DHRS4: variants seen among roughly 807,000 people sequenced by gnomAD.
The protein encoded by DHRS4 is dehydrogenase/reductase 4.
A neutral mutation model predicts 28.4 loss-of-function variants in DHRS4; 20 were observed. The observed-to-expected ratio is 0.71, with a 90% CI of 0.50 to 1.02. DHRS4 has a LOEUF of 1.02. Among genes scored for constraint, DHRS4 ranks in the 50% least tolerant of loss-of-function variants. The pLI is 0.00. For synonymous variants in DHRS4, 144 were observed against 146.4 expected (o/e 0.98, Z 0.12); for missense variants, 378 against 367.2 (o/e 1.03, Z -0.24).
At chr14:23,960,794 T>C (rs2146573) in intron 3 of DHRS4, among the ~76,000 whole-genome samples, 29 of 152,210 alleles carry the variant, frequency 1.9e-4, no homozygotes, top group Admixed American at 5.2e-4. Flanking sequence ...TAAAGGAATA[T>C]CTGAGCTGGG....
chr14:23,959,438 G>C (rs1238355054), intron 2 of DHRS4, among the ~76,000 whole-genome samples: 24 of 152,038 alleles, frequency 1.6e-4, no homozygotes, highest in African/African-American at 3.4e-4. Context: ...CGCACTTGTA[G>C]TCCCAACTAC....
rs765198644 is a variant in DHRS4 at position 23,953,868 on chromosome 14, G to T, written c.80G>T (p.Arg27Leu). ...ATGGCCAGCTCCGGGATGACCCGCC[G>T]GGACCCGCTCGCAAATAAGGTGGCC... is the stretch of plus-strand genomic sequence containing the variant. Reference protein sequence around the residue: ...VRMASSGMTRRDPLANKVALV... With the variant: ...VRMASSGMTRLDPLANKVALV... Residue 27 changes from arginine to leucine, a missense_variant, in exon 1 of 8, where the codon CGG becomes CTG. Arg to Leu is a moderately radical substitution (Grantham distance 102, BLOSUM62 -2). Coordinates refer to ENST00000313250, the MANE Select transcript of DHRS4 (RefSeq NM_021004.4). 5 of 1,612,542 alleles carry T rather than the reference G, an allele frequency of 3.1e-6. No homozygotes were observed. Among genetic ancestry groups the T allele is most frequent in the East Asian group, 4.5e-5 (2 of 44,836 alleles).
At chr14:23,954,175 C>A in intron 1 of DHRS4, 1 of 502,658 alleles carries the variant, frequency 2.0e-6, no homozygotes, top group Non-Finnish European at 3.5e-6. Context: ...CTAGTCTCCC[C>A]AGTGTTCTGG....
rs1236608823 is a variant in DHRS4, at chr14:23,968,633, T to C, written c.723-124T>C. 2.0e-6 allele frequency: 3 copies of C among 1,519,998 alleles called. No homozygotes were observed. The African/African-American group carries it at 4.2e-5, about 21-fold the overall frequency. The allele number at this position is 1,519,998 out of a possible 1,614,324, so 94.2% of individuals were successfully genotyped here. Reference sequence around the variant, plus strand: ...CCCTATTTGATAGGCAGAAAGCTTGTACACTGACCCTGAAAAAGCCATCTG... The same window carrying C: ...CCCTATTTGATAGGCAGAAAGCTTGCACACTGACCCTGAAAAAGCCATCTG... On this transcript the variant is annotated intron_variant, in intron 7 of 7. Coordinates refer to ENST00000313250, the MANE Select transcript of DHRS4 (RefSeq NM_021004.4).
rs368789022 is a variant in DHRS4 at position 23,965,951 on chromosome 14, G to A, written c.499G>A (p.Val167Met). The A allele has an allele frequency of 5.6e-6, 9 of 1,609,666 alleles. No homozygotes were observed. Among genetic ancestry groups the A allele is most frequent in the East Asian group, 2.2e-5 (1 of 44,616 alleles). The part of the protein sequence containing the change: ...EKRGGGSVVI[V>M]SSIAAFSPSP... ...TTCCAGAGGCGGCTCAGTGGTGATC[G>A]TGTCTTCCATAGCAGCCTTCAGTCC... The change falls in exon 5 of 8, where the codon GTG (valine) becomes ATG (methionine). Residue 167 changes from valine (V) to methionine (M), a missense_variant. By Grantham distance (21) the Val-to-Met change is conservative. Transcript: ENST00000313250.
intron 3 of DHRS4, 48 bp downstream of exon 3, chr14:23,960,051 C>T: frequency 6.4e-7 from 1 of 1,550,574 alleles, no homozygotes; most frequent in Non-Finnish European, 8.9e-7. Flanking sequence ...CCTTGGAACA[C>T]ATTCAGCACA....
chr14:23,969,106 T>C lies in DHRS4; in HGVS notation c.*235T>C. 1.7e-6 allele frequency: 1 copy of C among 582,094 alleles called. No homozygotes were observed. Among genetic ancestry groups the C allele is most frequent in the Non-Finnish European group, 2.8e-6 (1 of 361,360 alleles). 36.1% of individuals were successfully genotyped at this position (582,094 alleles called of 1,614,324 possible). A position where few individuals can be genotyped will look rare whatever the true frequency, so the allele number is the denominator to read the frequency against. On this transcript the variant is annotated 3_prime_UTR_variant, in exon 8 of 8. Coordinates refer to ENST00000313250, the MANE Select transcript of DHRS4 (RefSeq NM_021004.4). ...CCCTGAGAACACAGGACAGGCCTGC[T>C]GACAAGGCTGAGTCTACCTTGGCAA...
chr14:23,955,574 G>C (rs1014083216), intron 2 of DHRS4, among the ~76,000 whole-genome samples: 1 of 152,084 alleles, frequency 6.6e-6, no homozygotes, highest in East Asian at 1.9e-4. Context: ...GGGAACCTCA[G>C]GAAGCAGCCC....
In DHRS4 at chr14:23,966,311, C is replaced by T. The variant is rs1349285832; in HGVS notation, c.560C>T (p.Thr187Ile). Reference sequence around the variant, plus strand: ...TTCAGTCCTTACAATGTCAGTAAAACAGCCTTGCTGGGCCTGACCAAGACC... The same window carrying T: ...TTCAGTCCTTACAATGTCAGTAAAATAGCCTTGCTGGGCCTGACCAAGACC... ...PGFSPYNVSK[T>I]ALLGLTKTLA... Residue 187 changes from threonine to isoleucine, a missense_variant, in exon 6 of 8, where the codon ACA (threonine) becomes ATA (isoleucine). Coordinates refer to ENST00000313250, the MANE Select transcript of DHRS4 (RefSeq NM_021004.4). The T allele has an allele frequency of 3.7e-6, 6 of 1,614,030 alleles. No homozygotes were observed. The highest frequency in any genetic ancestry group is 2.2e-5 in the South Asian group (2 of 91,062).
rs772504566 is a variant in DHRS4 at position 23,967,216 on chromosome 14, G to A, written c.672G>A (p.Trp224Ter). 2 of 1,612,788 alleles carry A rather than the reference G, an allele frequency of 1.2e-6. No individual in the cohort carries two copies. The highest frequency in any genetic ancestry group is 1.1e-5 in the South Asian group (1 of 90,870). ...LIKTSFSRML[W>*]MDKEKEESMK... Reference sequence around the variant, plus strand: ...GATTTCCCTTCTTCCTGCAGCTCTGGATGGACAAGGAAAAAGAGGAAAGCA... The same window carrying A: ...GATTTCCCTTCTTCCTGCAGCTCTGAATGGACAAGGAAAAAGAGGAAAGCA... Residue 224 changes from tryptophan (W) to a stop codon, truncating the protein, a stop_gained, in exon 7 of 8, where the codon TGG becomes TGA. Transcript: ENST00000313250. LOFTEE classifies it high-confidence loss of function.
chr14:23,966,217 G>A, intron 5 of DHRS4, 66 bp from the exon 6 acceptor site: 4 of 1,582,340 alleles, frequency 2.5e-6, no homozygotes, highest in Non-Finnish European at 3.4e-6. Context: ...TGCCCTCTAT[G>A]TCTAGTTATT....
intron 2 of DHRS4, among the ~76,000 whole-genome samples, chr14:23,956,555 G>A (rs200423369): frequency 1.2e-3 from 182 of 151,604 alleles, no homozygotes; most frequent in Non-Finnish European, 1.2e-3. Flanking sequence ...TACTGCTGGG[G>A]AAGGGGCTGC....
chr14:23,969,060 G>A lies in DHRS4; in HGVS notation c.*189G>A. 1 of 1,237,426 alleles carries A rather than the reference G, an allele frequency of 8.1e-7. No homozygotes were observed. Among genetic ancestry groups the A allele is most frequent in the Non-Finnish European group, 1.1e-6 (1 of 924,110 alleles). The allele number at this position is 1,237,426 out of a possible 1,614,324, so 76.7% of individuals were successfully genotyped here. ...CTTACTCGGGATTTCTGCTGTTGTT[G>A]TGGCCTTGGGTAAAGGCCTCCCCTG... is the stretch of plus-strand genomic sequence containing the variant. On this transcript the variant is annotated 3_prime_UTR_variant, in exon 8 of 8. Transcript: ENST00000313250.
At chr14:23,964,238 A>C (rs1373088655) in intron 3 of DHRS4, among the ~76,000 whole-genome samples, 2 of 142,886 alleles carry the variant, frequency 1.4e-5, no homozygotes, top group Non-Finnish European at 3.0e-5. Context: ...AAAAAAAAAA[A>C]AAAAAAAAAA....
chr14:23,968,704 G>A (rs1566480007), intron 7 of DHRS4, 53 bp from the exon 8 acceptor site: 1 of 1,596,332 alleles, frequency 6.3e-7, no homozygotes, highest in Non-Finnish European at 8.5e-7. Context: ...CCCAGGTGAG[G>A]GAGGCAGAAC....
intron 1 of DHRS4, chr14:23,954,174 C>G (rs541824758): frequency 1.6e-4 from 83 of 504,974 alleles, no homozygotes; most frequent in Admixed American, 9.3e-4. Flanking sequence ...TCTAGTCTCC[C>G]CAGTGTTCTG....
chr14:23,954,392 G>A (rs147169011), intron 1 of DHRS4, among the ~76,000 whole-genome samples: 1 of 152,104 alleles, frequency 6.6e-6, no homozygotes, highest in African/African-American at 2.4e-5. Context: ...TTTTTGTTTA[G>A]GTCGGTACAT....
At chr14:23,966,804 A>G (rs1262589658) in intron 6 of DHRS4, among the ~76,000 whole-genome samples, 1 of 152,284 alleles carries the variant, frequency 6.6e-6, no homozygotes, top group East Asian at 1.9e-4. Flanking sequence ...CCCTCCTCTC[A>G]GTTACCATGA....
In DHRS4 at chr14:23,966,345, A is replaced by T; in HGVS notation, c.594A>T (p.Ile198=). ...TGGGCCTGACCAAGACCCTGGCCAT[A>T]GAGCTGGCCCCAAGGAACATTAGGG... ...ALLGLTKTLA[I]ELAPRNIRVN... The change falls in exon 6 of 8, where the codon ATA becomes ATT. Residue 198 remains isoleucine, a synonymous_variant. Transcript: ENST00000313250. 1 of 1,614,032 alleles carries T rather than the reference A, an allele frequency of 6.2e-7. No individual in the cohort carries two copies. Among genetic ancestry groups the T allele is most frequent in the Non-Finnish European group, 8.5e-7 (1 of 1,180,002 alleles).
Sources: gnomAD v4.1 joint callset for allele counts (sites outside exome capture counted in the v4.1 genomes callset) on GRCh38, gnomAD v4.1.1 for gene constraint, MANE v1.5 for transcripts, NCBI Gene and HGNC (gene_info 2026-07-23, HGNC 2026-07-21) for gene names.